The following ALG12 variants were observed in gnomAD, a reference collection of about 807,000 sequenced individuals.
ALG12 encodes the protein dol-P-Man:Man(7)GlcNAc(2)-PP-Dol alpha-1,6-mannosyltransferase.
ALG12 carries 36 observed loss-of-function variants against 46.0 expected under a neutral mutation model. The ratio of observed to expected loss-of-function variants is 0.78; its 90% CI spans 0.60 to 1.03. ALG12 has a LOEUF of 1.03. Among genes scored for constraint, ALG12 ranks in the 50% least tolerant of loss-of-function variants. ALG12 has a pLI of 0.00. For synonymous variants in ALG12, 326 were observed against 291.6 expected, an observed-to-expected ratio of 1.12 and a Z score of -1.20; for missense variants, 599 against 633.5, an observed-to-expected ratio of 0.95 and a Z score of 0.58.
the ALG12 span, among the ~76,000 whole-genome samples, chr22:49,892,783 C>A: frequency 6.6e-6 from 1 of 152,104 alleles, no homozygotes; most frequent in Admixed American, 6.5e-5. Flanking sequence ...AATTTTCTTT[C>A]AATGAAAACA....
At chr22:49,873,116 C>T in the ALG12 span, among the ~76,000 whole-genome samples, 4 of 152,252 alleles carry the variant, frequency 2.6e-5, no homozygotes, top group African/African-American at 7.2e-5. Context: ...CAGACATGAG[C>T]CACTACAGCC....
At chr22:49,874,763 C>T in the ALG12 span, among the ~76,000 whole-genome samples, 274 of 139,202 alleles carry the variant, frequency 2.0e-3, 1 homozygote, top group Middle Eastern at 4.2e-3. Context: ...CACTGCACCT[C>T]GACCTCCCGT....
At chr22:49,889,470 T>G in the ALG12 span, 1 of 167,142 alleles carries the variant, frequency 6.0e-6, no homozygotes, top group East Asian at 1.9e-4. Context: ...GGGTTTTTTT[T>G]GTTTGTTTTT....
chr22:49,869,433 G>C, the ALG12 span, among the ~76,000 whole-genome samples: 1 of 152,214 alleles, frequency 6.6e-6, no homozygotes, highest in South Asian at 2.1e-4. Flanking sequence ...GAACACTCTT[G>C]CGTGGACTTT....
chr22:49,901,885 A>C lies in ALG12; in HGVS notation c.*1953T>G, dbSNP rs1402467831. The C allele has an allele frequency of 7.8e-6, 1 of 128,016 alleles. No homozygotes were observed. The highest frequency in any genetic ancestry group is 1.6e-5 in the Non-Finnish European group (1 of 62,568). 7.9% of individuals were successfully genotyped at this position (128,016 alleles called of 1,614,324 possible). A position where few individuals can be genotyped will look rare whatever the true frequency, so the allele number is the denominator to read the frequency against. On this transcript the variant is annotated 3_prime_UTR_variant, in exon 10 of 10. Coordinates refer to ENST00000330817, the MANE Select transcript of ALG12 (RefSeq NM_024105.4). ...TGTGGTGTGTATTCATGGTGTGTGC[A>C]CGTGTGCACTGTGTGTATGCATGGT...
chr22:49,873,732 AC>A, the ALG12 span, among the ~76,000 whole-genome samples: 2 of 152,170 alleles, frequency 1.3e-5, no homozygotes, highest in Non-Finnish European at 2.9e-5. Context: ...CATCACCCCC[AC>A]CCTGCAGCCC....
At chr22:49,872,766 G>A in the ALG12 span, among the ~76,000 whole-genome samples, 3 of 151,254 alleles carry the variant, frequency 2.0e-5, no homozygotes, top group South Asian at 2.1e-4. Flanking sequence ...GTGCAGTGAC[G>A]TGATCGCGGC....
chr22:49,904,360 T>C lies in ALG12; in HGVS notation c.1139A>G (p.His380Arg). The change falls in exon 8 of 10, where the codon CAC (histidine) becomes CGC (arginine). Residue 380 changes from histidine (H) to arginine (R), a missense_variant. Physicochemically the swap from His to Arg is conservative, Grantham distance 29. Transcript: ENST00000330817. ...ACCTGTCTGGGGGGGCACCAGCTGG[T>C]GCAGCCTCTGCATTGCGACGCCACC... ...YPGGVAMQRL[H>R]QLVPPQTDVL... 6.2e-7 allele frequency: 1 copy of C among 1,614,198 alleles called. No individual in the cohort carries two copies. The highest frequency in any genetic ancestry group is 8.5e-7 in the Non-Finnish European group (1 of 1,180,030).
chr22:49,873,905 G>T, the ALG12 span, among the ~76,000 whole-genome samples: 2 of 152,246 alleles, frequency 1.3e-5, no homozygotes, highest in Admixed American at 6.5e-5. Context: ...GAACATAAGG[G>T]CTGGGGAATG....
chr22:49,872,766 G>C, the ALG12 span, among the ~76,000 whole-genome samples: 1 of 151,140 alleles, frequency 6.6e-6, no homozygotes, highest in Non-Finnish European at 1.5e-5. Flanking sequence ...GTGCAGTGAC[G>C]TGATCGCGGC....
chr22:49,887,317 A>G, the ALG12 span: 4 of 911,280 alleles, frequency 4.4e-6, no homozygotes, highest in South Asian at 3.7e-5. Context: ...AGCTCACCAC[A>G]GTGTCTCCAC....
chr22:49,898,977 G>A (rs939275478), downstream of ALG12, among the ~76,000 whole-genome samples: 6 of 151,914 alleles, frequency 3.9e-5, no homozygotes, highest in Middle Eastern at 3.2e-3. Flanking sequence ...AAATTGATCC[G>A]TACCTCACAC....
Position 49,906,354 on chromosome 22 carries a change from C to T in ALG12, c.992+1367G>A, listed in dbSNP as rs958684994. 3.9e-5 allele frequency among the ~76,000 whole-genome samples: 6 copies of T among 152,202 alleles called. No individual in the cohort carries two copies. The highest frequency in any genetic ancestry group is 7.2e-5 in the African/African-American group (3 of 41,436). ...TCCAGCCCTGAGCCGACCCCTGAGA[C>T]GAGAGGGAGCCAAAGGCACAGAAAA... On this transcript the variant is annotated intron_variant, in intron 7 of 9. Coordinates refer to ENST00000330817, the MANE Select transcript of ALG12 (RefSeq NM_024105.4). This position sits in a 1 kb window ranked among gnomAD's most constrained non-coding sequence, Gnocchi z 4.4.
the ALG12 span, among the ~76,000 whole-genome samples, chr22:49,865,522 A>G: frequency 6.6e-6 from 1 of 152,026 alleles, no homozygotes; most frequent in African/African-American, 2.4e-5. Flanking sequence ...ACCCGTCTCT[A>G]TTAAAATACA....
the ALG12 span, among the ~76,000 whole-genome samples, chr22:49,867,452 C>T: frequency 5.0e-4 from 76 of 152,338 alleles, 1 homozygote; most frequent in Non-Finnish European, 2.8e-4. Flanking sequence ...TCTCTGTTCT[C>T]GCTGACTTTC....
intron 6 of ALG12, among the ~76,000 whole-genome samples, chr22:49,908,514 G>A (rs1389216953): frequency 1.8e-5 from 2 of 112,822 alleles, no homozygotes; most frequent in East Asian, 5.1e-4. Flanking sequence ...GCGACAGAGT[G>A]AGACTCTGTC....
chr22:49,889,019 A>G, the ALG12 span: 1 of 167,260 alleles, frequency 6.0e-6, no homozygotes, highest in Non-Finnish European at 1.5e-5. Flanking sequence ...ATTTTGGGAT[A>G]TTGAGCTTCA....
the ALG12 span, among the ~76,000 whole-genome samples, chr22:49,877,861 T>G: frequency 6.6e-6 from 1 of 152,222 alleles, no homozygotes. Context: ...TCCCGCACTC[T>G]GCAGGATTGT....
At chr22:49,887,300 G>A in the ALG12 span, 18 of 1,036,104 alleles carry the variant, frequency 1.7e-5, no homozygotes, top group East Asian at 1.0e-4. Context: ...TCTCAGGGCC[G>A]CTCTCCAGCT....
Sources: allele counts gnomAD v4.1 joint callset (sites outside exome capture counted in the v4.1 genomes callset), GRCh38; gene constraint gnomAD v4.1.1; non-coding constraint Gnocchi (gnomAD v3.1); transcripts MANE v1.5; gene names NCBI Gene and HGNC (gene_info 2026-07-23, HGNC 2026-07-21).